Variants in TOX observed in about 807,000 individuals in gnomAD.
TOX encodes thymocyte selection-associated high mobility group box protein TOX.
In TOX, 11 loss-of-function variants were observed where a neutral mutation model predicts 53.7. The ratio of observed to expected loss-of-function variants is 0.20; its 90% CI spans 0.13 to 0.34. The LOEUF is 0.34. TOX is among the 10% of genes least tolerant of loss of function. The probability of loss-of-function intolerance (pLI) is 1.00; values close to 1 mark genes in which losing one functional copy is unlikely to be tolerated. For synonymous variants in TOX, 225 were observed against 245.3 expected (o/e 0.92, Z 0.77); for missense variants, 570 against 664.6 (o/e 0.86, Z 1.56).
At chr8:59,070,506 AAC>A (rs371344375) in intron 1 of TOX, among the ~76,000 whole-genome samples, 8,691 of 140,094 alleles carry the variant, frequency 0.062, 382 homozygotes, top group African/African-American at 0.13. Context: ...TGTCAAGGAA[AAC>A]ACACACACAC....
At chr8:58,983,071 C>G (rs966049694) in intron 1 of TOX, among the ~76,000 whole-genome samples, 8 of 152,196 alleles carry the variant, frequency 5.3e-5, no homozygotes, top group Admixed American at 1.3e-4. Flanking sequence ...ATTTATCCCT[C>G]CTTTGAATCA....
chr8:59,016,378 T>C (rs1485074804), intron 1 of TOX, among the ~76,000 whole-genome samples: 1 of 152,210 alleles, frequency 6.6e-6, no homozygotes, highest in Non-Finnish European at 1.5e-5. Flanking sequence ...AATTTAATTT[T>C]CCCTGTTTAA....
chr8:59,006,061 A>G (rs1813786782), intron 1 of TOX, among the ~76,000 whole-genome samples: 1 of 152,210 alleles, frequency 6.6e-6, no homozygotes, highest in South Asian at 2.1e-4. Context: ...TTGCTTAAGG[A>G]TAGGTTTTAT....
chr8:58,919,050 A>G (rs1176748661), intron 3 of TOX, among the ~76,000 whole-genome samples: 1 of 145,830 alleles, frequency 6.9e-6, no homozygotes, highest in Non-Finnish European at 1.5e-5. Context: ...TCAAGGAAAT[A>G]AAAGAGGACA....
intron 1 of TOX, among the ~76,000 whole-genome samples, chr8:59,068,868 C>A (rs986229784): frequency 4.6e-5 from 7 of 152,120 alleles, no homozygotes. Context: ...GCATATAGAG[C>A]TGAAGTTGGG....
At chr8:58,996,613 G>T (rs1228478452) in intron 1 of TOX, among the ~76,000 whole-genome samples, 1 of 152,064 alleles carries the variant, frequency 6.6e-6, no homozygotes, top group Non-Finnish European at 1.5e-5. Flanking sequence ...GTACCTTTAT[G>T]TTGTTTTGAT....
At chr8:59,085,979 C>CTTTTTTTTTTTTTTTT (rs35593177) in intron 1 of TOX, among the ~76,000 whole-genome samples, 121 of 88,748 alleles carry the variant, frequency 1.4e-3, no homozygotes, top group Non-Finnish European at 1.9e-3. Flanking sequence ...CTTTTCTTTT[C>CTTTTTTTTTTTTTTTT]TTTTTTTTTT....
At chr8:59,027,031 C>A (rs1055256705) in intron 1 of TOX, among the ~76,000 whole-genome samples, 2 of 152,072 alleles carry the variant, frequency 1.3e-5, no homozygotes, top group Non-Finnish European at 2.9e-5. Context: ...ACCAAAATTC[C>A]ATTGGCTAGT....
intron 1 of TOX, among the ~76,000 whole-genome samples, chr8:59,106,784 C>T (rs746517029): frequency 1.3e-5 from 2 of 152,118 alleles, no homozygotes; most frequent in South Asian, 4.1e-4. Context: ...GGAACTTAAA[C>T]AGTAACAGCT....
chr8:58,849,506 A>C (rs562263119), intron 4 of TOX, among the ~76,000 whole-genome samples: 1 of 152,188 alleles, frequency 6.6e-6, no homozygotes, highest in African/African-American at 2.4e-5. Flanking sequence ...ATGTAAATTC[A>C]TGCTTTAGCA....
intron 3 of TOX, among the ~76,000 whole-genome samples, chr8:58,930,190 T>G (rs1047583567): frequency 6.6e-6 from 1 of 152,226 alleles, no homozygotes; most frequent in Non-Finnish European, 1.5e-5. Context: ...ACTAAACAAC[T>G]GCTTAGAAGT....
At chr8:58,992,405 G>A (rs1019910681) in intron 1 of TOX, among the ~76,000 whole-genome samples, 1 of 152,126 alleles carries the variant, frequency 6.6e-6, no homozygotes, top group African/African-American at 2.4e-5. Flanking sequence ...ATAGGCACAG[G>A]ATGTCTGCTT....
At chr8:59,095,083 C>T (rs765091137) in intron 1 of TOX, among the ~76,000 whole-genome samples, 1 of 152,164 alleles carries the variant, frequency 6.6e-6, no homozygotes, top group Non-Finnish European at 1.5e-5. Flanking sequence ...CTTATAAACC[C>T]TATTATGTTC....
intron 1 of TOX, among the ~76,000 whole-genome samples, chr8:59,031,261 A>AT (rs1367930336): frequency 2.6e-5 from 4 of 152,226 alleles, no homozygotes; most frequent in African/African-American, 9.6e-5. Context: ...GCACATTGAA[A>AT]TTGTTTATGT....
At chr8:58,940,115 A>G (rs550505403) in intron 2 of TOX, among the ~76,000 whole-genome samples, 20 of 152,340 alleles carry the variant, frequency 1.3e-4, no homozygotes, top group Non-Finnish European at 2.1e-4. Context: ...TGCCATTAAG[A>G]GCTATTTTTA....
rs547406901 is a variant in TOX at position 58,907,143 on chromosome 8, C to A, written c.411+32159G>T. 3.3e-5 allele frequency among the ~76,000 whole-genome samples: 5 copies of A among 152,298 alleles called. No homozygotes were observed. In the East Asian group the frequency reaches 9.7e-4, roughly 29 times the overall value. ...CTCCATCCCTCCTGTATTTCCCTTG[C>A]CACCTACATCTAAGGCACTTGATAG... On this transcript the variant is annotated intron_variant, in intron 3 of 8. Coordinates refer to ENST00000361421, the MANE Select transcript of TOX (RefSeq NM_014729.3).
At chr8:59,110,456 A>C (rs1241103349) in intron 1 of TOX, among the ~76,000 whole-genome samples, 1 of 152,160 alleles carries the variant, frequency 6.6e-6, no homozygotes, top group Non-Finnish European at 1.5e-5. Flanking sequence ...CATTTAATTG[A>C]GTTAACAGAC....
intron 1 of TOX, among the ~76,000 whole-genome samples, chr8:59,090,880 C>T (rs1235816271): frequency 6.6e-6 from 1 of 152,172 alleles, no homozygotes; most frequent in Admixed American, 6.5e-5. Flanking sequence ...TGTGTCCTTA[C>T]TTGCTTCCTG....
intron 2 of TOX, among the ~76,000 whole-genome samples, chr8:58,954,091 G>GT (rs1235039420): frequency 1.4e-4 from 21 of 152,270 alleles, no homozygotes; most frequent in African/African-American, 5.1e-4. Flanking sequence ...TTGCATTGCT[G>GT]ATGATAAACA....
Sources: gnomAD v4.1 joint callset for allele counts (sites outside exome capture counted in the v4.1 genomes callset) on GRCh38, gnomAD v4.1.1 for gene constraint, MANE v1.5 for transcripts, NCBI Gene and HGNC (gene_info 2026-07-23, HGNC 2026-07-21) for gene names.